Variants in ATP6V0C observed in about 807,000 individuals in gnomAD.
The protein encoded by ATP6V0C is ATPase H+ transporting V0 subunit c, also known as V-type proton ATPase 16 kDa proteolipid subunit c.
ATP6V0C carries 2 observed loss-of-function variants against 10.6 expected under a neutral mutation model. The ratio of observed to expected loss-of-function variants is 0.19; its 90% CI spans 0.08 to 0.59. The LOEUF (loss-of-function observed/expected upper bound fraction) is 0.59, where lower values mean the gene tolerates loss of function less well. ATP6V0C is among the 20% of genes least tolerant of loss of function. ATP6V0C has a pLI of 0.90. For synonymous variants in ATP6V0C, 128 were observed against 101.3 expected (o/e 1.26, Z -1.59); for missense variants, 89 against 225.9 (o/e 0.39, Z 3.88).
chr16:2,517,229 CAGGACAGGCGCT>C (rs2065881116), intron 1 of ATP6V0C: 1 of 152,354 alleles, frequency 6.6e-6, no homozygotes, highest in African/African-American at 2.4e-5. Context: ...ACCAGGAGTT[CAGGACAGGCGCT>C]GGGACAGGCC....
chr16:2,520,216 T>A lies in ATP6V0C; in HGVS notation c.*471T>A. On this transcript the variant is annotated 3_prime_UTR_variant, in exon 3 of 3. Coordinates refer to ENST00000330398, the MANE Select transcript of ATP6V0C (RefSeq NM_001694.4). ...CTGTGTCCAATAAAGTTCTTGGATGTGACGGGCCTGTGTCTGCTCAGCTTG... is the reference window on the plus strand; with the variant it reads ...CTGTGTCCAATAAAGTTCTTGGATGAGACGGGCCTGTGTCTGCTCAGCTTG... 1 of 408,716 alleles carries A rather than the reference T, an allele frequency of 2.4e-6. No homozygotes were observed. The highest frequency in any genetic ancestry group is 4.3e-6 in the Non-Finnish European group (1 of 232,136). The allele number at this position is 408,716 out of a possible 1,614,324, so 25.3% of individuals were successfully genotyped here.
In ATP6V0C at chr16:2,519,676, G is replaced by A; in HGVS notation, c.399G>A (p.Leu133=). The stretch of plus-strand genomic sequence containing the variant: ...CCCGACTATTCGTGGGCATGATCCT[G>A]ATTCTCATCTTCGCCGAGGTGCTCG... ...QQPRLFVGMI[L]ILIFAEVLGL... The change falls in exon 3 of 3, where the codon CTG becomes CTA. Residue 133 remains leucine, a synonymous_variant. Coordinates refer to ENST00000330398, the MANE Select transcript of ATP6V0C (RefSeq NM_001694.4). 4 of 1,612,198 alleles carry A rather than the reference G, an allele frequency of 2.5e-6. No individual in the cohort carries two copies. Among genetic ancestry groups the A allele is most frequent in the Non-Finnish European group, 3.4e-6 (4 of 1,178,508 alleles).
At position 2,519,768 on chromosome 16, in the gene ATP6V0C, A is replaced by C. The variant is rs1412073354; in HGVS notation, c.*23A>C. 1.3e-6 allele frequency: 2 copies of C among 1,582,412 alleles called. No individual in the cohort carries two copies. Among genetic ancestry groups the C allele is most frequent in the Admixed American group, 1.8e-5 (1 of 56,914 alleles). On this transcript the variant is annotated 3_prime_UTR_variant, in exon 3 of 3. Coordinates refer to ENST00000330398, the MANE Select transcript of ATP6V0C (RefSeq NM_001694.4). The stretch of plus-strand genomic sequence containing the variant: ...TAGACCCTCTCCGAGCCCACCAGCC[A>C]CAGAATATTATGTAAAGACCACCCC...
At chr16:2,517,730 T>C (rs2141891300) in intron 1 of ATP6V0C, 1 of 151,904 alleles carries the variant, frequency 6.6e-6, no homozygotes, top group Middle Eastern at 3.4e-3. Flanking sequence ...TGTGTGTGTG[T>C]GTGTGTGTGT....
At position 2,514,023 on chromosome 16, in the gene ATP6V0C, A is replaced by G. The variant is rs1275277065; in HGVS notation, c.-81A>G. ...CGCCTTCGCCGCCGCCCGCCCGCAA[A>G]CCTTCGTGCCCGGCCCGTCCTCGCC... On this transcript the variant is annotated 5_prime_UTR_variant, in exon 1 of 3. Transcript: ENST00000330398. 1.5e-5 allele frequency: 20 copies of G among 1,343,368 alleles called. No homozygotes were observed. The highest frequency in any genetic ancestry group is 4.7e-5 in the African/African-American group (3 of 64,302). The allele number at this position is 1,343,368 out of a possible 1,614,324, so 83.2% of individuals were successfully genotyped here.
chr16:2,519,919 CGTGCCGTGGACATCTGGG>C lies in ATP6V0C; in HGVS notation c.*175_*192del. On this transcript the variant is annotated 3_prime_UTR_variant, in exon 3 of 3. Coordinates refer to ENST00000330398, the MANE Select transcript of ATP6V0C (RefSeq NM_001694.4). The stretch of plus-strand genomic sequence containing the variant: ...TCCCCGGCCTTGCCCCCGCCCGCCC[CGTGCCGTGGACATCTGGG>C]CCCACTCATCGCCCCTCCAGGCCCC... The C allele has an allele frequency of 2.1e-6, 2 of 951,916 alleles. No individual in the cohort carries two copies. Among genetic ancestry groups the C allele is most frequent in the Non-Finnish European group, 3.2e-6 (2 of 616,926 alleles). The allele number at this position is 951,916 out of a possible 1,614,324, so 59.0% of individuals were successfully genotyped here.
At chr16:2,518,533 C>G (rs929010568) in intron 1 of ATP6V0C, among the ~76,000 whole-genome samples, 3 of 152,244 alleles carry the variant, frequency 2.0e-5, no homozygotes, top group African/African-American at 7.2e-5. Context: ...CTCTTCTTGG[C>G]TCACCCTGTC....
Position 2,514,024 on chromosome 16 carries a change from C to G in ATP6V0C, c.-80C>G. ...GCCTTCGCCGCCGCCCGCCCGCAAA[C>G]CTTCGTGCCCGGCCCGTCCTCGCCC... On this transcript the variant is annotated 5_prime_UTR_variant, in exon 1 of 3. Transcript: ENST00000330398. The G allele has an allele frequency of 7.3e-7, 1 of 1,363,104 alleles. No individual in the cohort carries two copies. The allele number at this position is 1,363,104 out of a possible 1,614,324, so 84.4% of individuals were successfully genotyped here. A position where few individuals can be genotyped will look rare whatever the true frequency, so the allele number is the denominator to read the frequency against.
chr16:2,513,983 G>C lies in ATP6V0C; in HGVS notation c.-121G>C. On this transcript the variant is annotated 5_prime_UTR_variant, in exon 1 of 3. Transcript: ENST00000330398. ...CGGTGCTGGTATTTAGAGCGCAGCG[G>C]CTGACGGGCCGGATCGCCTTCGCCG... The C allele has an allele frequency of 2.3e-6, 2 of 855,392 alleles. No homozygotes were observed. Among genetic ancestry groups the C allele is most frequent in the Non-Finnish European group, 3.5e-6 (2 of 564,466 alleles). 53.0% of individuals were successfully genotyped at this position (855,392 alleles called of 1,614,324 possible).
rs2065893543 is a variant in ATP6V0C at position 2,519,089 on chromosome 16, T to G, written c.80-129T>G. 1.2e-5 allele frequency: 14 copies of G among 1,164,332 alleles called. No homozygotes were observed. The East Asian group carries it at 2.7e-4, about 23-fold the overall frequency. The allele number at this position is 1,164,332 out of a possible 1,614,324, so 72.1% of individuals were successfully genotyped here. A position where few individuals can be genotyped will look rare whatever the true frequency, so the allele number is the denominator to read the frequency against. On this transcript the variant is annotated intron_variant, in intron 1 of 2. Transcript: ENST00000330398. ...GTCCTCTTGCCCTGGGCTGGATGCC[T>G]TCTTCGGCTCCCCCTCTGCATGTGA... is the stretch of plus-strand genomic sequence containing the variant.
chr16:2,514,554 G>T (rs2065867348), intron 1 of ATP6V0C, among the ~76,000 whole-genome samples: 1 of 151,856 alleles, frequency 6.6e-6, no homozygotes, highest in African/African-American at 2.4e-5. Flanking sequence ...CCGATTCTGC[G>T]GGCAGGTGAC....
At chr16:2,519,102 C>T (rs943059648) in intron 1 of ATP6V0C, 116 bp from the exon 2 acceptor site, 2 of 1,237,220 alleles carry the variant, frequency 1.6e-6, no homozygotes, top group South Asian at 1.6e-5. Context: ...TTCGGCTCCC[C>T]CTCTGCATGT....
chr16:2,515,047 T>G (rs1013232899), intron 1 of ATP6V0C, among the ~76,000 whole-genome samples: 1 of 152,082 alleles, frequency 6.6e-6, no homozygotes, highest in Non-Finnish European at 1.5e-5. Flanking sequence ...ATGAATGACC[T>G]TCCTTTCCCT....
intron 2 of ATP6V0C, 47 bp from the exon 3 acceptor site, chr16:2,519,494 C>G (rs1433502984): frequency 6.5e-7 from 1 of 1,543,972 alleles, no homozygotes; most frequent in Admixed American, 1.9e-5. Flanking sequence ...CCTTGTCTCC[C>G]CCTGGTTGGC....
At chr16:2,516,108 T>TC (rs1289531028) in intron 1 of ATP6V0C, among the ~76,000 whole-genome samples, 1 of 150,570 alleles carries the variant, frequency 6.6e-6, no homozygotes, top group Non-Finnish European at 1.5e-5. Flanking sequence ...TTTTTTTTTT[T>TC]TTTTTTTTTT....
chr16:2,518,463 G>T (rs2065888063), intron 1 of ATP6V0C, among the ~76,000 whole-genome samples: 1 of 152,196 alleles, frequency 6.6e-6, no homozygotes, highest in African/African-American at 2.4e-5. Context: ...TCTCTGGGAG[G>T]TCAGCTGAGG....
chr16:2,520,170 G>A lies in ATP6V0C; in HGVS notation c.*425G>A. On this transcript the variant is annotated 3_prime_UTR_variant, in exon 3 of 3. Coordinates refer to ENST00000330398, the MANE Select transcript of ATP6V0C (RefSeq NM_001694.4). Reference sequence around the variant, plus strand: ...CTGGATGGAGCCGCCCTCACCGCCGGGCCCGTGGCCCTGCGCGGAGCTGTG... The same window carrying A: ...CTGGATGGAGCCGCCCTCACCGCCGAGCCCGTGGCCCTGCGCGGAGCTGTG... The A allele has an allele frequency of 1.9e-6, 1 of 524,056 alleles. No homozygotes were observed. Among genetic ancestry groups the A allele is most frequent in the Non-Finnish European group, 3.5e-6 (1 of 283,254 alleles). The allele number at this position is 524,056 out of a possible 1,614,324, so 32.5% of individuals were successfully genotyped here. A position where few individuals can be genotyped will look rare whatever the true frequency, so the allele number is the denominator to read the frequency against.
At chr16:2,518,639 G>T (rs1464493894) in intron 1 of ATP6V0C, among the ~76,000 whole-genome samples, 1 of 152,174 alleles carries the variant, frequency 6.6e-6, no homozygotes, top group African/African-American at 2.4e-5. Flanking sequence ...CAGAATGTTT[G>T]GCCCTCCTAG....
intron 1 of ATP6V0C, among the ~76,000 whole-genome samples, chr16:2,515,832 C>A (rs2065874644): frequency 1.3e-5 from 2 of 152,198 alleles, no homozygotes; most frequent in South Asian, 4.1e-4. Context: ...CCATGTGGAA[C>A]TTAAATTCTA....
Sources: gnomAD v4.1 joint callset for allele counts (sites outside exome capture counted in the v4.1 genomes callset) on GRCh38, gnomAD v4.1.1 for gene constraint, MANE v1.5 for transcripts, NCBI Gene and HGNC (gene_info 2026-07-23, HGNC 2026-07-21) for gene names.